Variants in ADGRL3 observed in about 807,000 individuals in gnomAD.
ADGRL3 encodes adhesion G protein-coupled receptor L3.
In ADGRL3, 62 loss-of-function variants were observed where a neutral mutation model predicts 153.5. That is an observed-to-expected ratio of 0.40 (90% CI 0.33 to 0.50). The LOEUF (loss-of-function observed/expected upper bound fraction) is 0.50, where lower values mean the gene tolerates loss of function less well. Among genes scored for constraint, ADGRL3 ranks in the 20% least tolerant of loss-of-function variants. The pLI, the probability that ADGRL3 is intolerant of heterozygous loss-of-function variation, is 0.47. For synonymous variants in ADGRL3, 710 were observed against 672.5 expected (o/e 1.06, Z -0.86); for missense variants, 1,641 against 1,859.4 (o/e 0.88, Z 2.16).
At chr4:61,330,527 A>G (rs951353219) in intron 1 of ADGRL3, among the ~76,000 whole-genome samples, 2 of 152,098 alleles carry the variant, frequency 1.3e-5, no homozygotes, top group Non-Finnish European at 2.9e-5. Flanking sequence ...GCAGCAGATT[A>G]TGGGATCCTT....
At chr4:61,935,692 A>G (rs762030197) in intron 14 of ADGRL3, among the ~76,000 whole-genome samples, 1 of 152,116 alleles carries the variant, frequency 6.6e-6, no homozygotes, top group Non-Finnish European at 1.5e-5. Flanking sequence ...TTGAATTTAA[A>G]TTTTAGGCTT....
chr4:61,473,263 G>A (rs2097991628), intron 2 of ADGRL3, among the ~76,000 whole-genome samples: 1 of 151,022 alleles, frequency 6.6e-6, no homozygotes, highest in African/African-American at 2.4e-5. Flanking sequence ...TTAAGTAGGG[G>A]AAACTTTTAA....
chr4:61,796,499 C>CCTG (rs2097414474), intron 8 of ADGRL3, among the ~76,000 whole-genome samples: 1 of 151,970 alleles, frequency 6.6e-6, no homozygotes. Context: ...TTGACAATGC[C>CCTG]CTGAAGGTAG....
chr4:61,491,754 T>G lies in ADGRL3; in HGVS notation c.-173-5367T>G, dbSNP rs114894142. ...TTCTCCATACGTCAGTGTTATATTA[T>G]TTTTACCATTTTATCAAGGTGCCAA... On this transcript the variant is annotated intron_variant, in intron 2 of 26. Transcript: ENST00000683033. Among the ~76,000 whole-genome samples, 304 of 152,224 alleles carry G rather than the reference T, an allele frequency of 2.0e-3. 3 individuals carry two copies. Among genetic ancestry groups the G allele is most frequent in the African/African-American group, 6.9e-3 (287 of 41,544 alleles).
chr4:61,971,138 T>A (rs1037023145), intron 17 of ADGRL3, among the ~76,000 whole-genome samples: 3 of 151,578 alleles, frequency 2.0e-5, no homozygotes, highest in South Asian at 2.1e-4. Flanking sequence ...TTTTAAATTT[T>A]TTTATTTATT....
chr4:61,642,555 C>T (rs1272018669), intron 5 of ADGRL3, among the ~76,000 whole-genome samples: 2 of 151,994 alleles, frequency 1.3e-5, no homozygotes, highest in Non-Finnish European at 2.9e-5. Context: ...ATCCTTTCCC[C>T]ATTGCTTGTT....
In ADGRL3 at chr4:61,497,813, C is replaced by T. The variant is rs142959638; in HGVS notation, c.55+465C>T. Among the ~76,000 whole-genome samples, 1,406 of 152,018 alleles carry T rather than the reference C, an allele frequency of 9.2e-3. 28 individuals carry two copies. The highest frequency in any genetic ancestry group is 0.056 in the East Asian group (288 of 5,152). ...TGCTGGGATTACAGGCGTGAGCCAC[C>T]GCGCCCAGCCCATAATGTGTATTTT... On this transcript the variant is annotated intron_variant, in intron 3 of 26. Coordinates refer to ENST00000683033, the MANE Select transcript of ADGRL3 (RefSeq NM_001387552.1).
Position 61,283,625 on chromosome 4 carries a change from C to A in ADGRL3, c.-240+81860C>A, listed in dbSNP as rs190757006. ...TCAGAAATGGTACAGATTGTTTCTT[C>A]AGTTCTCCAAAGTGCAGATCTGATG... On this transcript the variant is annotated intron_variant, in intron 1 of 26. Coordinates refer to ENST00000683033, the MANE Select transcript of ADGRL3 (RefSeq NM_001387552.1). Among the ~76,000 whole-genome samples the A allele has an allele frequency of 2.8e-3, 426 of 152,064 alleles. 2 individuals carry two copies. Among genetic ancestry groups the A allele is most frequent in the African/African-American group, 9.9e-3 (411 of 41,540 alleles).
intron 1 of ADGRL3, among the ~76,000 whole-genome samples, chr4:61,356,138 T>C (rs534425818): frequency 6.6e-6 from 1 of 152,178 alleles, no homozygotes; most frequent in Admixed American, 6.5e-5. Flanking sequence ...TATTTGACTC[T>C]TTTCTTTCTT....
intron 15 of ADGRL3, among the ~76,000 whole-genome samples, chr4:61,945,810 C>A (rs2098919653): frequency 6.6e-6 from 1 of 151,894 alleles, no homozygotes; most frequent in South Asian, 2.1e-4. Context: ...ACGGTGCGCA[C>A]ACACACTGGC....
At chr4:61,862,810 A>G (rs796535939) in intron 9 of ADGRL3, among the ~76,000 whole-genome samples, 3 of 152,284 alleles carry the variant, frequency 2.0e-5, no homozygotes, top group African/African-American at 7.2e-5. Context: ...GATGCTTGCG[A>G]AAGTTTGAGA....
intron 1 of ADGRL3, among the ~76,000 whole-genome samples, chr4:61,245,862 G>C (rs954189256): frequency 3.4e-5 from 5 of 149,140 alleles, no homozygotes; most frequent in Admixed American, 1.3e-4. Flanking sequence ...CTTTCAGATA[G>C]GGCAATAAAA....
chr4:61,474,240 G>A (rs2098012515), intron 2 of ADGRL3, among the ~76,000 whole-genome samples: 1 of 152,090 alleles, frequency 6.6e-6, no homozygotes, highest in African/African-American at 2.4e-5. Context: ...GCATTTACAT[G>A]CAAGTGTCCT....
chr4:61,750,042 G>A (rs2096732458), intron 8 of ADGRL3, among the ~76,000 whole-genome samples: 1 of 151,864 alleles, frequency 6.6e-6, no homozygotes, highest in African/African-American at 2.4e-5. Context: ...CAGGTACTAT[G>A]TCTTTAAGTG....
chr4:62,056,902 A>G (rs1737322989), intron 25 of ADGRL3, among the ~76,000 whole-genome samples: 2 of 152,100 alleles, frequency 1.3e-5, no homozygotes, highest in African/African-American at 4.8e-5. Flanking sequence ...AAATTGAGGC[A>G]TATTGCTATA....
At chr4:61,288,864 C>A (rs2094051952) in intron 1 of ADGRL3, among the ~76,000 whole-genome samples, 1 of 151,898 alleles carries the variant, frequency 6.6e-6, no homozygotes, top group Non-Finnish European at 1.5e-5. Context: ...AGGACAGTGC[C>A]ATTTTAGTCA....
At chr4:61,346,458 G>T (rs2095909907) in intron 1 of ADGRL3, among the ~76,000 whole-genome samples, 1 of 151,678 alleles carries the variant, frequency 6.6e-6, no homozygotes, top group South Asian at 2.1e-4. Context: ...GATCATTGTG[G>T]TGGTGTCATA....
chr4:61,891,777 G>T (rs956977515), intron 9 of ADGRL3, among the ~76,000 whole-genome samples: 1 of 152,174 alleles, frequency 6.6e-6, no homozygotes, highest in African/African-American at 2.4e-5. Flanking sequence ...AGCTAGGTAT[G>T]CAGTCTGTGT....
intron 1 of ADGRL3, among the ~76,000 whole-genome samples, chr4:61,353,049 C>T (rs921550147): frequency 3.9e-5 from 6 of 152,088 alleles, no homozygotes; most frequent in Non-Finnish European, 5.9e-5. Context: ...CTTTTTGGCT[C>T]AGTTACCGTA....
Sources: gnomAD v4.1 joint callset for allele counts (sites outside exome capture counted in the v4.1 genomes callset) on GRCh38, gnomAD v4.1.1 for gene constraint, MANE v1.5 for transcripts, NCBI Gene and HGNC (gene_info 2026-07-23, HGNC 2026-07-21) for gene names.